The following CMIP variants were observed in gnomAD, a reference collection of about 807,000 sequenced individuals.
CMIP encodes C-Maf-inducing protein.
CMIP carries 13 observed loss-of-function variants against 97.3 expected under a neutral mutation model. The observed-to-expected ratio is 0.13, with a 90% CI of 0.09 to 0.21. The LOEUF (loss-of-function observed/expected upper bound fraction) is 0.21, where lower values mean the gene tolerates loss of function less well. Among genes scored for constraint, CMIP ranks in the 10% least tolerant of loss-of-function variants. CMIP has a pLI of 1.00. For synonymous variants in CMIP, 538 were observed against 436.3 expected (o/e 1.23, Z -2.91); for missense variants, 847 against 1,024.9 (o/e 0.83, Z 2.37).
intron 10 of CMIP, among the ~76,000 whole-genome samples, chr16:81,689,583 A>C (rs1006848116): frequency 6.6e-6 from 1 of 151,782 alleles, no homozygotes; most frequent in South Asian, 2.1e-4. Flanking sequence ...GATTGTAAAA[A>C]TTTTCTCCCA....
chr16:81,628,443 G>A (rs983611275), intron 3 of CMIP, among the ~76,000 whole-genome samples: 4 of 152,228 alleles, frequency 2.6e-5, no homozygotes, highest in Non-Finnish European at 5.9e-5. Context: ...GCATGTGCCA[G>A]TGCCTCACTT....
intron 7 of CMIP, chr16:81,666,495 C>G (rs1427497580): frequency 6.6e-6 from 1 of 152,076 alleles, no homozygotes; most frequent in Admixed American, 6.5e-5. Flanking sequence ...GTTTTATGGG[C>G]CTGGAGTGTT....
chr16:81,482,912 G>C (rs2089249100), intron 1 of CMIP, among the ~76,000 whole-genome samples: 1 of 152,254 alleles, frequency 6.6e-6, no homozygotes, highest in African/African-American at 2.4e-5. Context: ...ATGCCTGCTT[G>C]CTCGTCCGTT....
chr16:81,609,580 T>A (rs568197106), intron 2 of CMIP, among the ~76,000 whole-genome samples: 14 of 152,138 alleles, frequency 9.2e-5, no homozygotes, highest in Non-Finnish European at 1.8e-4. Context: ...ACGGAAATAA[T>A]GGCTAAATTA....
At chr16:81,569,908 A>G (rs2091052969) in intron 1 of CMIP, among the ~76,000 whole-genome samples, 1 of 152,222 alleles carries the variant, frequency 6.6e-6, no homozygotes, top group African/African-American at 2.4e-5. Context: ...GTACTGTGGT[A>G]GGTGCTGTCT....
intron 1 of CMIP, among the ~76,000 whole-genome samples, chr16:81,462,282 T>C (rs967360781): frequency 6.6e-6 from 1 of 152,172 alleles, no homozygotes; most frequent in African/African-American, 2.4e-5. Flanking sequence ...CATACTCCCT[T>C]TGAAAATGTG....
At chr16:81,679,001 A>C (rs559150754) in intron 10 of CMIP, among the ~76,000 whole-genome samples, 2 of 152,206 alleles carry the variant, frequency 1.3e-5, no homozygotes, top group African/African-American at 4.8e-5. Context: ...TGTCTACATG[A>C]GTTTGTGTGT....
At position 81,648,164 on chromosome 16, in the gene CMIP, C is replaced by G. The variant is rs556467985; in HGVS notation, c.478-4039C>G. 9.1e-5 allele frequency among the ~76,000 whole-genome samples: 12 copies of G among 131,432 alleles called. No individual in the cohort carries two copies. In the East Asian group the frequency reaches 9.2e-4, roughly 10 times the overall value. 86.2% of individuals were successfully genotyped at this position (131,432 alleles called of 152,430 possible). On this transcript the variant is annotated intron_variant, in intron 3 of 20. Transcript: ENST00000537098. ...TTGACACTTCTTCAGGATCTCTTGG[C>G]AAATCTGATATCCTCTTCACCCGAC...
chr16:81,545,471 T>G (rs1470346195), intron 1 of CMIP, among the ~76,000 whole-genome samples: 1 of 152,196 alleles, frequency 6.6e-6, no homozygotes, highest in African/African-American at 2.4e-5. Flanking sequence ...TAATAACGTT[T>G]ACTGAGCGTC....
chr16:81,447,818 G>T (rs1455844606), intron 1 of CMIP, among the ~76,000 whole-genome samples: 2 of 152,238 alleles, frequency 1.3e-5, no homozygotes, highest in African/African-American at 4.8e-5. Flanking sequence ...TGGAGGTGGG[G>T]CTGTGAGGGC....
chr16:81,653,786 T>C (rs2092454345), intron 4 of CMIP, among the ~76,000 whole-genome samples: 1 of 152,248 alleles, frequency 6.6e-6, no homozygotes, highest in African/African-American at 2.4e-5. Flanking sequence ...CTAATTTTTG[T>C]ATTTTTAGTA....
chr16:81,452,049 G>A (rs1249956496), intron 1 of CMIP, among the ~76,000 whole-genome samples: 1 of 152,208 alleles, frequency 6.6e-6, no homozygotes, highest in East Asian at 1.9e-4. Flanking sequence ...TGAGGCAAAG[G>A]AGATGGCAGA....
chr16:81,674,246 C>T (rs1340355782), intron 9 of CMIP, among the ~76,000 whole-genome samples: 8 of 152,072 alleles, frequency 5.3e-5, no homozygotes, highest in African/African-American at 1.4e-4. Flanking sequence ...GCTGACAGCA[C>T]GGTGAGGCAA....
intron 1 of CMIP, among the ~76,000 whole-genome samples, chr16:81,479,997 C>T (rs2150755291): frequency 6.6e-6 from 1 of 152,200 alleles, no homozygotes; most frequent in East Asian, 1.9e-4. Context: ...CCTGGCCGCA[C>T]AATGGGATCA....
chr16:81,652,092 A>T lies in CMIP; in HGVS notation c.478-111A>T. The stretch of plus-strand genomic sequence containing the variant: ...TAAACGGGGACTGGGCCAAGTTGTC[A>T]GTTTCTCAGGGCCCTTTACACCCTA... On this transcript the variant is annotated intron_variant, in intron 3 of 20. Coordinates refer to ENST00000537098, the MANE Select transcript of CMIP (RefSeq NM_198390.3). This position sits in a 1 kb window ranked among gnomAD's most constrained non-coding sequence, Gnocchi z 5.2. 1 of 795,832 alleles carries T rather than the reference A, an allele frequency of 1.3e-6. No homozygotes were observed. Among genetic ancestry groups the T allele is most frequent in the Admixed American group, 2.6e-5 (1 of 38,710 alleles). 49.3% of individuals were successfully genotyped at this position (795,832 alleles called of 1,614,324 possible).
intron 1 of CMIP, among the ~76,000 whole-genome samples, chr16:81,496,551 C>A (rs572557105): frequency 6.6e-6 from 1 of 152,292 alleles, no homozygotes; most frequent in South Asian, 2.1e-4. Context: ...TGATAAAACC[C>A]TTTGAATGGA....
chr16:81,651,456 G>T (rs1199204762), intron 3 of CMIP: 9 of 899,920 alleles, frequency 1.0e-5, no homozygotes, highest in Non-Finnish European at 1.2e-5. Flanking sequence ...TCCTCACCAG[G>T]TGGATGCGGA....
At chr16:81,698,678 T>G (rs1907042532) in intron 14 of CMIP, among the ~76,000 whole-genome samples, 2 of 152,196 alleles carry the variant, frequency 1.3e-5, no homozygotes, top group South Asian at 4.1e-4. Flanking sequence ...GACATTCATG[T>G]TGTAACACAA....
At chr16:81,687,742 C>T (rs1233137443) in intron 10 of CMIP, among the ~76,000 whole-genome samples, 1 of 152,322 alleles carries the variant, frequency 6.6e-6, no homozygotes, top group East Asian at 1.9e-4. Flanking sequence ...CCGGCGAGTT[C>T]TCTGGACGCT....
Sources: gnomAD v4.1 joint callset for allele counts (sites outside exome capture counted in the v4.1 genomes callset) on GRCh38, gnomAD v4.1.1 for gene constraint, Gnocchi (gnomAD v3.1) non-coding constraint, MANE v1.5 for transcripts, NCBI Gene and HGNC (gene_info 2026-07-23, HGNC 2026-07-21) for gene names.